The following SMARCA4 variants were observed in gnomAD, a reference collection of about 807,000 sequenced individuals.
SMARCA4 encodes the protein SWI/SNF-related matrix-associated actin-dependent regulator of chromatin subfamily A member 4.
A neutral mutation model predicts 193.9 loss-of-function variants in SMARCA4; 31 were observed. The observed-to-expected ratio is 0.16, with a 90% confidence interval of 0.12 to 0.22. The LOEUF (loss-of-function observed/expected upper bound fraction) is 0.22. Ranked by LOEUF, SMARCA4 falls within the 10% of genes least tolerant of loss-of-function variation. SMARCA4 has a pLI of 1.00. For synonymous variants in SMARCA4, 942 were observed against 933.1 expected (o/e 1.01, Z -0.17); for missense variants, 1,148 against 2,296.0 (o/e 0.50, Z 10.22).
intron 16 of SMARCA4, among the ~76,000 whole-genome samples, chr19:11,014,070 G>C (rs550916461): frequency 6.6e-6 from 1 of 152,136 alleles, no homozygotes; most frequent in African/African-American, 2.4e-5. Flanking sequence ...CCGGCCTGGG[G>C]GTTAGTCTGG....
Position 11,008,016 on chromosome 19 carries a change from A to C in SMARCA4, c.2116A>C (p.Ile706Leu). 1.2e-6 allele frequency: 2 copies of C among 1,613,024 alleles called. No individual in the cohort carries two copies. Among genetic ancestry groups the C allele is most frequent in the Non-Finnish European group, 1.7e-6 (2 of 1,179,380 alleles). The stretch of plus-strand genomic sequence containing the variant: ...CGTCTCTGAGGTGGACGCGCGGCAC[A>C]TCATTGAGTAAGGGGTCCCGACACA... ...DDVSEVDARHIIENAKQDVDD... is the reference protein window; with the variant it reads ...DDVSEVDARHLIENAKQDVDD... The change falls in exon 14 of 35, where the codon ATC becomes CTC. Residue 706 changes from isoleucine to leucine, a missense_variant. Coordinates refer to ENST00000344626, the MANE Select transcript of SMARCA4 (RefSeq NM_003072.5).
chr19:11,036,700 A>G (rs1434789102), intron 29 of SMARCA4, among the ~76,000 whole-genome samples: 1 of 152,142 alleles, frequency 6.6e-6, no homozygotes, highest in Non-Finnish European at 1.5e-5. Context: ...AATCATCTTC[A>G]GTGTATCCAA....
intron 30 of SMARCA4, among the ~76,000 whole-genome samples, chr19:11,056,567 G>A (rs150983059): frequency 4.6e-5 from 7 of 152,142 alleles, no homozygotes; most frequent in Admixed American, 1.3e-4. Context: ...TCCTCAGCAC[G>A]GCTGGCCTGG....
intron 30 of SMARCA4, among the ~76,000 whole-genome samples, chr19:11,045,049 G>A (rs889486605): frequency 9.8e-5 from 15 of 152,348 alleles, no homozygotes; most frequent in Non-Finnish European, 1.9e-4. Flanking sequence ...GGCCGGGCAC[G>A]GTGGCTCACG....
chr19:11,003,719 T>C (rs565241454), intron 13 of SMARCA4, among the ~76,000 whole-genome samples: 1 of 152,036 alleles, frequency 6.6e-6, no homozygotes, highest in East Asian at 1.9e-4. Context: ...CCATTTTTTT[T>C]TTTTTTTTTT....
In SMARCA4 at chr19:10,985,293, G is replaced by A. The variant is rs1060504435; in HGVS notation, c.243G>A (p.Glu81=). Residue 81 remains glutamate (E), a synonymous_variant, in exon 3 of 35, where the codon GAG becomes GAA. Coordinates refer to ENST00000344626, the MANE Select transcript of SMARCA4 (RefSeq NM_003072.5). The surrounding 1 kb of genome is among the most constrained non-coding windows in gnomAD (Gnocchi z 4.5). ...CGCAGCCCATGGAGTCCATGCATGA[G>A]AAGGGCATGTCGGACGACCCGCGCT... ...QMHKPMESMH[E]KGMSDDPRYN... is the part of the protein sequence containing the mutation. 1 of 1,614,058 alleles carries A rather than the reference G, an allele frequency of 6.2e-7. No individual in the cohort carries two copies. The highest frequency in any genetic ancestry group is 1.6e-4 in the Middle Eastern group (1 of 6,062).
rs193079643 is a variant in SMARCA4 at position 11,037,211 on chromosome 19, A to G, written c.4170+2079A>G. ...GTTGCCGGAACAATGTTAGTTCTCT[A>G]TTTAACCTTTTGAGGGACCCCAGCC... is the stretch of plus-strand genomic sequence containing the variant. On this transcript the variant is annotated intron_variant, in intron 29 of 34. Coordinates refer to ENST00000344626, the MANE Select transcript of SMARCA4 (RefSeq NM_003072.5). Among the ~76,000 whole-genome samples, 308 of 152,326 alleles carry G rather than the reference A, an allele frequency of 2.0e-3. 3 individuals are homozygous for G. Among genetic ancestry groups the G allele is most frequent in the South Asian group, 0.01 (50 of 4,826 alleles).
rs1427498945 is a variant in SMARCA4 at position 10,994,712 on chromosome 19, G to GC, written c.1420-114dup. ...CTGACCTCGTGATCTGCCCTCCTCT[G>GC]CCTCCCAAAGCGCTGGGATTACAGG... On this transcript the variant is annotated intron_variant, in intron 8 of 34. Transcript: ENST00000344626. The GC allele has an allele frequency of 5.8e-6, 5 of 861,892 alleles. No individual in the cohort carries two copies. In the African/African-American group the frequency reaches 6.7e-5, roughly 12 times the overall value. The allele number at this position is 861,892 out of a possible 1,614,324, so 53.4% of individuals were successfully genotyped here. A position where few individuals can be genotyped will look rare whatever the true frequency, so the allele number is the denominator to read the frequency against.
intron 15 of SMARCA4, chr19:11,011,684 T>G (rs2088861951): frequency 6.6e-6 from 1 of 152,210 alleles, no homozygotes; most frequent in African/African-American, 2.4e-5. Context: ...AGACACTGCC[T>G]CTACAAAAAT....
chr19:10,996,126 CAG>C, intron 9 of SMARCA4, 85 bp from the exon 10 acceptor site: 1 of 1,372,350 alleles, frequency 7.3e-7, no homozygotes, highest in Non-Finnish European at 1.0e-6. Flanking sequence ...CGCGTGCCCT[CAG>C]TGCGCTTCTG....
rs140322802 is a variant in SMARCA4, at chr19:11,033,301, G to T, written c.3558G>T (p.Ala1186=). Residue 1186 remains alanine, a synonymous_variant, in exon 26 of 35, where the codon GCG becomes GCT. Transcript: ENST00000344626. This position sits in a 1 kb window ranked among gnomAD's most constrained non-coding sequence, Gnocchi z 9.8. Reference sequence around the variant, plus strand: ...ACCTCTTCCCCCAGGACCTGCAAGCGCAGGACCGAGCCCACCGCATCGGGC... The same window carrying T: ...ACCTCTTCCCCCAGGACCTGCAAGCTCAGGACCGAGCCCACCGCATCGGGC... ...SDWNPHQDLQ[A]QDRAHRIGQQ... The T allele has an allele frequency of 4.8e-5, 77 of 1,612,676 alleles. No homozygotes were observed. Among genetic ancestry groups the T allele is most frequent in the Non-Finnish European group, 6.4e-5 (75 of 1,179,894 alleles).
At chr19:11,046,885 C>T (rs947494703) in intron 30 of SMARCA4, among the ~76,000 whole-genome samples, 1 of 149,784 alleles carries the variant, frequency 6.7e-6, no homozygotes, top group African/African-American at 2.5e-5. Context: ...GAAGTCAAGG[C>T]CGCAGTGGGG....
Position 10,991,209 on chromosome 19 carries a change from T to C in SMARCA4, c.1305T>C (p.Asn435=). The change falls in exon 8 of 35, where the codon AAT becomes AAC. Residue 435 remains asparagine (N), a synonymous_variant. Coordinates refer to ENST00000344626, the MANE Select transcript of SMARCA4 (RefSeq NM_003072.5). ...RRDTALETAL[N]AKAYKRSKRQ... is the part of the protein sequence containing the mutation. ...ACACAGCGCTGGAGACAGCCCTCAA[T>C]GCTAAGGCCTACAAGCGCAGCAAGC... is the stretch of plus-strand genomic sequence containing the variant. 1 of 1,613,966 alleles carries C rather than the reference T, an allele frequency of 6.2e-7. No individual in the cohort carries two copies. Among genetic ancestry groups the C allele is most frequent in the Non-Finnish European group, 8.5e-7 (1 of 1,180,014 alleles).
chr19:11,000,615 T>A (rs1031149397), intron 11 of SMARCA4, among the ~76,000 whole-genome samples: 4 of 152,062 alleles, frequency 2.6e-5, no homozygotes, highest in East Asian at 1.9e-4. Flanking sequence ...GTGCGGTGGC[T>A]CACATCTGTA....
At chr19:11,061,468 C>T (rs1032220108) in intron 34 of SMARCA4, among the ~76,000 whole-genome samples, 4 of 151,920 alleles carry the variant, frequency 2.6e-5, no homozygotes, top group South Asian at 4.1e-4. Context: ...CTCCACCCCC[C>T]GGGATCGCGC....
chr19:11,012,516 A>C, intron 15 of SMARCA4: 2 of 258,478 alleles, frequency 7.7e-6, no homozygotes, highest in South Asian at 9.9e-5. Context: ...CAGGCTTTGG[A>C]AATCCCTCTC....
At chr19:11,061,144 C>T (rs1316472123) in intron 34 of SMARCA4, among the ~76,000 whole-genome samples, 1 of 143,134 alleles carries the variant, frequency 7.0e-6, no homozygotes, top group African/African-American at 2.6e-5. Flanking sequence ...GCCGTGATAG[C>T]ACCACTGCAC....
intron 16 of SMARCA4, among the ~76,000 whole-genome samples, chr19:11,017,598 C>A (rs1309319497): frequency 1.3e-5 from 2 of 152,250 alleles, no homozygotes; most frequent in Admixed American, 6.5e-5. Flanking sequence ...GTCTCTGGGA[C>A]CTGTCCCCTC....
chr19:11,003,453 C>A (rs2087856612), intron 13 of SMARCA4, 56 bp downstream of exon 13: 1 of 1,479,048 alleles, frequency 6.8e-7, no homozygotes, highest in Non-Finnish European at 9.5e-7. Context: ...CAGTGACTTC[C>A]ACCCTGTGTG....
Sources: gnomAD v4.1 joint callset for allele counts (sites outside exome capture counted in the v4.1 genomes callset) on GRCh38, gnomAD v4.1.1 for gene constraint, Gnocchi (gnomAD v3.1) non-coding constraint, MANE v1.5 for transcripts, NCBI Gene and HGNC (gene_info 2026-07-23, HGNC 2026-07-21) for gene names.